Variants in PRKG1 observed in about 807,000 individuals in gnomAD.
PRKG1 encodes cGMP-dependent protein kinase 1.
Under a neutral mutation model 88.1 loss-of-function variants are expected in PRKG1, and 35 were observed. The ratio of observed to expected loss-of-function variants is 0.40; its 90% confidence interval spans 0.30 to 0.53. The LOEUF (loss-of-function observed/expected upper bound fraction) is 0.53, where lower values mean the gene tolerates loss of function less well. Among genes scored for constraint, PRKG1 ranks in the 20% least tolerant of loss-of-function variants. PRKG1 has a pLI of 0.59. For missense variants in PRKG1, 540 were observed against 839.8 expected (o/e 0.64, Z 4.41); for synonymous variants, 303 against 292.5 (o/e 1.04, Z -0.37).
At chr10:51,069,347 C>G (rs918350656) in intron 1 of PRKG1, among the ~76,000 whole-genome samples, 3 of 151,780 alleles carry the variant, frequency 2.0e-5, no homozygotes, top group Non-Finnish European at 2.9e-5. Flanking sequence ...AATATATATT[C>G]CTTATGGCCA....
At chr10:51,892,137 G>A (rs567910143) in intron 4 of PRKG1, among the ~76,000 whole-genome samples, 1 of 152,086 alleles carries the variant, frequency 6.6e-6, no homozygotes, top group Non-Finnish European at 1.5e-5. Context: ...TCCTCAATAC[G>A]TTAATAGATA....
intron 3 of PRKG1, among the ~76,000 whole-genome samples, chr10:51,636,366 A>G (rs1400300270): frequency 6.6e-6 from 1 of 152,210 alleles, no homozygotes; most frequent in East Asian, 1.9e-4. Context: ...ACAGGGTTAG[A>G]TAAAAAATAT....
chr10:51,050,666 C>A (rs1206690700), intron 1 of PRKG1, among the ~76,000 whole-genome samples: 8 of 152,122 alleles, frequency 5.3e-5, no homozygotes, highest in African/African-American at 1.9e-4. Flanking sequence ...GTTCCTCTGG[C>A]TATATACCCA....
intron 3 of PRKG1, among the ~76,000 whole-genome samples, chr10:51,768,455 C>CA (rs1352549112): frequency 6.6e-6 from 1 of 151,948 alleles, no homozygotes; most frequent in Non-Finnish European, 1.5e-5. Flanking sequence ...CACATAGAGA[C>CA]AAAAAACATA....
At chr10:51,474,186 A>G (rs1293595232) in intron 3 of PRKG1, among the ~76,000 whole-genome samples, 1 of 152,014 alleles carries the variant, frequency 6.6e-6, no homozygotes, top group Non-Finnish European at 1.5e-5. Context: ...GACCTAAAGC[A>G]GTTAAACAAT....
chr10:51,175,558 T>G (rs1327794358), intron 2 of PRKG1, among the ~76,000 whole-genome samples: 5 of 152,070 alleles, frequency 3.3e-5, no homozygotes, highest in African/African-American at 7.2e-5. Flanking sequence ...ACATAAAACC[T>G]CATTCAAATC....
intron 7 of PRKG1, among the ~76,000 whole-genome samples, chr10:52,087,055 G>A (rs1846934111): frequency 6.6e-6 from 1 of 152,088 alleles, no homozygotes; most frequent in African/African-American, 2.4e-5. Flanking sequence ...CATGACATGT[G>A]GGGATTATAG....
At chr10:51,324,066 C>T (rs1841521363) in intron 2 of PRKG1, among the ~76,000 whole-genome samples, 1 of 152,062 alleles carries the variant, frequency 6.6e-6, no homozygotes. Flanking sequence ...ATTGGGATAT[C>T]CATCTCCTCA....
chr10:50,995,489 T>C (rs937213212), intron 1 of PRKG1, among the ~76,000 whole-genome samples: 13 of 152,218 alleles, frequency 8.5e-5, no homozygotes, highest in African/African-American at 3.1e-4. Context: ...GTGATTATCT[T>C]TGAAAACTGC....
intron 3 of PRKG1, among the ~76,000 whole-genome samples, chr10:51,737,345 T>C (rs1359087855): frequency 6.6e-6 from 1 of 152,242 alleles, no homozygotes; most frequent in Non-Finnish European, 1.5e-5. Flanking sequence ...GTGTCTCTGC[T>C]TCTTCTTGTT....
At chr10:51,415,241 A>T (rs10822951) in intron 2 of PRKG1, among the ~76,000 whole-genome samples, 41,589 of 152,098 alleles carry the variant, frequency 0.27, 6,344 homozygotes, top group Non-Finnish European at 0.35. Context: ...AACTTTGTGT[A>T]TCAAATTGTA....
intron 7 of PRKG1, among the ~76,000 whole-genome samples, chr10:52,103,567 CATATA>C (rs1262185390): frequency 6.6e-6 from 1 of 152,122 alleles, no homozygotes; most frequent in East Asian, 1.9e-4. Context: ...GTATGTGACA[CATATA>C]ATATATACAA....
rs577235326 is a variant in PRKG1 at position 52,034,886 on chromosome 10, C to T, written c.763-19598C>T. Among the ~76,000 whole-genome samples, 4 of 152,286 alleles carry T rather than the reference C, an allele frequency of 2.6e-5. No homozygotes were observed. In the South Asian group the frequency reaches 8.3e-4, roughly 32 times the overall value. On this transcript the variant is annotated intron_variant, in intron 5 of 17. Transcript: ENST00000373980. The stretch of plus-strand genomic sequence containing the variant: ...CAAATGCGCTGTACCCTGCAGCATT[C>T]CGAGGACAGGCCTGAATTCTGAGAA...
At chr10:51,742,224 G>C (rs1385164663) in intron 3 of PRKG1, among the ~76,000 whole-genome samples, 1 of 152,174 alleles carries the variant, frequency 6.6e-6, no homozygotes, top group African/African-American at 2.4e-5. Context: ...TAGTGCAAGA[G>C]GGTAAGATTT....
At chr10:51,784,558 T>C (rs986164883) in intron 3 of PRKG1, among the ~76,000 whole-genome samples, 2 of 152,096 alleles carry the variant, frequency 1.3e-5, no homozygotes. Flanking sequence ...AAGAAAAAAA[T>C]CAGTTCCAGT....
At chr10:51,556,135 G>A (rs562866009) in intron 3 of PRKG1, among the ~76,000 whole-genome samples, 2 of 152,086 alleles carry the variant, frequency 1.3e-5, no homozygotes, top group East Asian at 1.9e-4. Context: ...GCTCTCTCAA[G>A]CCTTACAGTA....
At position 52,297,028 on chromosome 10, in the gene PRKG1, T is replaced by G. The variant is rs1456592936; in HGVS notation, c.*3128T>G. The G allele has an allele frequency of 1.3e-5, 2 of 152,144 alleles. No homozygotes were observed. The highest frequency in any genetic ancestry group is 2.9e-5 in the Non-Finnish European group (2 of 68,000). The allele number at this position is 152,144 out of a possible 1,614,324, so 9.4% of individuals were successfully genotyped here. ...ACAAATTTAATGAAGTCAGCTACCA[T>G]GTTGAAAATAAGGATATTAGAACTG... On this transcript the variant is annotated 3_prime_UTR_variant, in exon 18 of 18. Coordinates refer to ENST00000373980, the MANE Select transcript of PRKG1 (RefSeq NM_006258.4).
intron 2 of PRKG1, among the ~76,000 whole-genome samples, chr10:51,262,526 A>C (rs907342306): frequency 1.3e-5 from 2 of 152,198 alleles, no homozygotes; most frequent in Non-Finnish European, 2.9e-5. Context: ...TTGCCTAAGG[A>C]TGAAATTCTT....
At chr10:51,391,761 T>C (rs1173831839) in intron 2 of PRKG1, among the ~76,000 whole-genome samples, 1 of 152,216 alleles carries the variant, frequency 6.6e-6, no homozygotes. Context: ...CCTGAATATT[T>C]TGTTCTCTTG....
Sources: allele counts gnomAD v4.1 joint callset (sites outside exome capture counted in the v4.1 genomes callset), GRCh38; gene constraint gnomAD v4.1.1; transcripts MANE v1.5; gene names NCBI Gene and HGNC (gene_info 2026-07-23, HGNC 2026-07-21).